SCFD1: variants seen among roughly 807,000 people sequenced by gnomAD.
SCFD1 encodes sec1 family domain containing 1, also known as sec1 family domain-containing protein 1.
Under a neutral mutation model 103.2 loss-of-function variants are expected in SCFD1, and 37 were observed. The ratio of observed to expected loss-of-function variants is 0.36; its 90% confidence interval spans 0.28 to 0.47. The LOEUF is 0.47. Ranked by LOEUF, SCFD1 falls within the 20% of genes least tolerant of loss-of-function variation. The pLI is 1.00. For synonymous variants in SCFD1, 264 were observed against 245.0 expected (o/e 1.08, Z -0.73); for missense variants, 639 against 761.2 (o/e 0.84, Z 1.89).
chr14:30,707,577 G>T (rs1425243790), intron 18 of SCFD1, among the ~76,000 whole-genome samples: 1 of 151,968 alleles, frequency 6.6e-6, no homozygotes, highest in African/African-American at 2.4e-5. Context: ...ATGTTCATAT[G>T]GTTTGAACTC....
chr14:30,694,190 G>A (rs1449849056), intron 14 of SCFD1, among the ~76,000 whole-genome samples: 1 of 152,082 alleles, frequency 6.6e-6, no homozygotes, highest in Non-Finnish European at 1.5e-5. Flanking sequence ...TTTGCATGGA[G>A]TACAATATGA....
chr14:30,624,682 G>A (rs1052052971), intron 1 of SCFD1, among the ~76,000 whole-genome samples: 4 of 152,122 alleles, frequency 2.6e-5, no homozygotes, highest in African/African-American at 9.7e-5. Context: ...TACCCAAACT[G>A]ATCATGCCAT....
rs143277783 is a variant in SCFD1 at position 30,692,849 on chromosome 14, C to T, written c.1243-1924C>T. Among the ~76,000 whole-genome samples, 5 of 152,226 alleles carry T rather than the reference C, an allele frequency of 3.3e-5. No individual in the cohort carries two copies. The East Asian group carries it at 9.6e-4, about 29-fold the overall frequency. The stretch of plus-strand genomic sequence containing the variant: ...TTCCTAGTATCATCATTGTCATTCC[C>T]CAAAGTTTTCTTTTTCTTCTTTCAC... On this transcript the variant is annotated intron_variant, in intron 14 of 24. Coordinates refer to ENST00000458591, the MANE Select transcript of SCFD1 (RefSeq NM_016106.4).
chr14:30,643,746 T>C (rs902814927), intron 7 of SCFD1: 2 of 307,590 alleles, frequency 6.5e-6, no homozygotes, highest in Non-Finnish European at 1.2e-5. Context: ...CATTTCTAAA[T>C]AGAGAAATAA....
chr14:30,704,234 G>A (rs1023465979), intron 17 of SCFD1, among the ~76,000 whole-genome samples: 1 of 151,824 alleles, frequency 6.6e-6, no homozygotes, highest in Non-Finnish European at 1.5e-5. Context: ...GGAGTGCAGT[G>A]ATACAATCAT....
At chr14:30,726,625 G>A (rs1477806702) in intron 23 of SCFD1, among the ~76,000 whole-genome samples, 1 of 152,126 alleles carries the variant, frequency 6.6e-6, no homozygotes, top group African/African-American at 2.4e-5. Context: ...AAGATACCAG[G>A]CCATTTTCCT....
At chr14:30,644,848 A>G (rs957235918) in intron 7 of SCFD1, among the ~76,000 whole-genome samples, 8 of 151,856 alleles carry the variant, frequency 5.3e-5, no homozygotes, top group African/African-American at 1.9e-4. Context: ...ATTAGGTCCA[A>G]TTTGTCTGTT....
chr14:30,667,292 C>T (rs905036374), intron 10 of SCFD1, among the ~76,000 whole-genome samples: 3 of 152,082 alleles, frequency 2.0e-5, no homozygotes, highest in African/African-American at 7.2e-5. Flanking sequence ...TAAACAGAAC[C>T]AAAGACAAAA....
At chr14:30,628,428 A>C in intron 2 of SCFD1, 149 bp downstream of exon 2, 1 of 577,730 alleles carries the variant, frequency 1.7e-6, no homozygotes, top group South Asian at 2.3e-5. Context: ...TCTTAATATG[A>C]ATTGTTTTGA....
intron 19 of SCFD1, among the ~76,000 whole-genome samples, chr14:30,710,721 T>C (rs552470819): frequency 3.9e-5 from 6 of 152,270 alleles, no homozygotes; most frequent in Non-Finnish European, 7.4e-5. Context: ...TAAAGCTCTA[T>C]TACCCTTATA....
At chr14:30,717,200 G>T (rs1165856691) in intron 20 of SCFD1, among the ~76,000 whole-genome samples, 1 of 152,138 alleles carries the variant, frequency 6.6e-6, no homozygotes, top group East Asian at 1.9e-4. Context: ...TATTTTCCAG[G>T]CATGTTTGCT....
intron 18 of SCFD1, 155 bp from the exon 19 acceptor site, chr14:30,707,835 C>T (rs556781681): frequency 8.0e-5 from 57 of 716,312 alleles, no homozygotes; most frequent in Middle Eastern, 4.7e-4. Context: ...CCCATGGCAG[C>T]AGAAATTCTC....
chr14:30,712,383 C>A (rs1891944322), intron 19 of SCFD1, among the ~76,000 whole-genome samples: 1 of 152,098 alleles, frequency 6.6e-6, no homozygotes, highest in Non-Finnish European at 1.5e-5. Context: ...GGAAAAGTTA[C>A]AAATAGTCAC....
chr14:30,668,403 A>G (rs1594655656), intron 10 of SCFD1, among the ~76,000 whole-genome samples: 3 of 152,220 alleles, frequency 2.0e-5, no homozygotes, highest in African/African-American at 7.2e-5. Flanking sequence ...TTAATTCAAG[A>G]TGGATTAAAG....
intron 23 of SCFD1, among the ~76,000 whole-genome samples, chr14:30,728,612 C>G (rs572887367): frequency 2.6e-4 from 39 of 152,252 alleles, no homozygotes; most frequent in Admixed American, 2.0e-3. Flanking sequence ...TGTTGCGTCA[C>G]TTAGTAACTG....
chr14:30,655,422 A>G (rs1175629937), intron 10 of SCFD1, among the ~76,000 whole-genome samples: 3 of 152,178 alleles, frequency 2.0e-5, no homozygotes, highest in Non-Finnish European at 4.4e-5. Context: ...GGATTATAGT[A>G]TATGATTGTA....
intron 21 of SCFD1, among the ~76,000 whole-genome samples, chr14:30,720,305 G>T (rs1162856362): frequency 2.6e-5 from 4 of 152,114 alleles, no homozygotes; most frequent in Non-Finnish European, 4.4e-5. Flanking sequence ...CTGCTAATGG[G>T]TACAGGACTT....
At chr14:30,623,743 A>G (rs1008601555) in intron 1 of SCFD1, among the ~76,000 whole-genome samples, 4 of 152,246 alleles carry the variant, frequency 2.6e-5, no homozygotes, top group Admixed American at 2.0e-4. Flanking sequence ...AGAAATAAAC[A>G]TAGTAAGATT....
At position 30,705,843 on chromosome 14, in the gene SCFD1, C is replaced by T; in HGVS notation, c.1511C>T (p.Ser504Leu). 1.2e-6 allele frequency: 2 copies of T among 1,613,708 alleles called. No homozygotes were observed. Among genetic ancestry groups the T allele is most frequent in the East Asian group, 2.2e-5 (1 of 44,858 alleles). ...CATAGGGCTTTTACCAAGATGGCCT[C>T]AGCTCCGGCCAGCTATGGCAGCACT... Reference protein sequence around the residue: ...KQWKAFTKMASAPASYGSTTT... With the variant: ...KQWKAFTKMALAPASYGSTTT... The change falls in exon 18 of 25, where the codon TCA (serine) becomes TTA (leucine). Residue 504 changes from serine (S) to leucine (L), a missense_variant. Ser to Leu is a moderately radical substitution (Grantham distance 145, BLOSUM62 -2). Coordinates refer to ENST00000458591, the MANE Select transcript of SCFD1 (RefSeq NM_016106.4).
Sources: gnomAD v4.1 joint callset for allele counts (sites outside exome capture counted in the v4.1 genomes callset) on GRCh38, gnomAD v4.1.1 for gene constraint, MANE v1.5 for transcripts, NCBI Gene and HGNC (gene_info 2026-07-23, HGNC 2026-07-21) for gene names.